The following NRG1 variants were observed in gnomAD, a reference collection of about 807,000 sequenced individuals.
NRG1 encodes the protein pro-neuregulin-1, membrane-bound isoform.
A neutral mutation model predicts 63.8 loss-of-function variants in NRG1; 18 were observed. The observed-to-expected ratio is 0.28, with a 90% CI of 0.19 to 0.42. The LOEUF (loss-of-function observed/expected upper bound fraction) is 0.42, where lower values mean the gene tolerates loss of function less well. Ranked by LOEUF, NRG1 falls within the 10% of genes least tolerant of loss-of-function variation. The pLI, the probability that NRG1 is intolerant of heterozygous loss-of-function variation, is 1.00. For missense variants in NRG1, 762 were observed against 814.7 expected, an observed-to-expected ratio of 0.94 and a Z score of 0.79; for synonymous variants, 302 against 301.3, an observed-to-expected ratio of 1.00 and a Z score of -0.02.
At chr8:32,060,415 A>G (rs1192096248) in intron 1 of NRG1, among the ~76,000 whole-genome samples, 2 of 152,008 alleles carry the variant, frequency 1.3e-5, no homozygotes, top group Admixed American at 6.6e-5. Flanking sequence ...AGCCTCCACC[A>G]TAAAAGAATG....
intron 1 of NRG1, among the ~76,000 whole-genome samples, chr8:32,125,664 A>G (rs867784200): frequency 2.0e-5 from 3 of 151,806 alleles, no homozygotes; most frequent in Non-Finnish European, 2.9e-5. Context: ...TTCTTATTCA[A>G]TTGCTTCCTT....
At chr8:32,557,703 G>T (rs943125996) in intron 1 of NRG1, among the ~76,000 whole-genome samples, 6 of 151,994 alleles carry the variant, frequency 3.9e-5, no homozygotes, top group Admixed American at 6.6e-5. Context: ...GAACCTTCCC[G>T]GGGGATTGCT....
chr8:32,496,125 A>T (rs1192130181), intron 1 of NRG1, among the ~76,000 whole-genome samples: 1 of 152,216 alleles, frequency 6.6e-6, no homozygotes, highest in Admixed American at 6.5e-5. Context: ...GAAGCCCTGT[A>T]GATTTTAGCA....
Position 32,293,034 on chromosome 8 carries a change from G to A in NRG1, c.38-302794G>A, listed in dbSNP as rs1481170082. Among the ~76,000 whole-genome samples, 5 of 152,214 alleles carry A rather than the reference G, an allele frequency of 3.3e-5. No homozygotes were observed. In the East Asian group the frequency reaches 9.7e-4, roughly 29 times the overall value. ...CAGGAGAATCGCTTGAACCTGGGAG[G>A]CAGAGTTTGCAGTGAGCCAAGATCA... is the stretch of plus-strand genomic sequence containing the variant. On this transcript the variant is annotated intron_variant, in intron 1 of 10. Transcript: ENST00000519301.
chr8:31,841,853 T>A (rs1418490602), intron 1 of NRG1, among the ~76,000 whole-genome samples: 1 of 152,162 alleles, frequency 6.6e-6, no homozygotes, highest in Non-Finnish European at 1.5e-5. Flanking sequence ...TACACCCAGA[T>A]AACATCAGGC....
intron 1 of NRG1, among the ~76,000 whole-genome samples, chr8:31,974,607 A>G (rs117641112): frequency 1.3e-5 from 2 of 152,242 alleles, no homozygotes; most frequent in East Asian, 1.9e-4. Flanking sequence ...AGGCACTACT[A>G]TGGTAGGCCT....
At chr8:32,319,966 C>A (rs576128954) in intron 1 of NRG1, among the ~76,000 whole-genome samples, 1 of 151,996 alleles carries the variant, frequency 6.6e-6, no homozygotes, top group South Asian at 2.1e-4. Flanking sequence ...AGTGCGTGAC[C>A]TTAGCCCCAG....
chr8:32,139,284 T>C (rs1365768583), intron 1 of NRG1: 1 of 152,162 alleles, frequency 6.6e-6, no homozygotes, highest in Non-Finnish European at 1.5e-5. Flanking sequence ...GACCGCCATT[T>C]CTCCCCTTCA....
chr8:32,540,301 G>A (rs1468619913), intron 1 of NRG1, among the ~76,000 whole-genome samples: 58 of 152,128 alleles, frequency 3.8e-4, no homozygotes, highest in Admixed American at 3.8e-3. Context: ...GTGCTTCTGA[G>A]ACAGAGCTAT....
At chr8:31,712,239 G>C (rs931928178) in intron 1 of NRG1, among the ~76,000 whole-genome samples, 1 of 110,574 alleles carries the variant, frequency 9.0e-6, no homozygotes, top group Non-Finnish European at 1.9e-5. Context: ...TTGACTTCCT[G>C]TTTCTTCTTC....
At chr8:31,956,595 G>A (rs1804468837) in intron 1 of NRG1, among the ~76,000 whole-genome samples, 6 of 152,160 alleles carry the variant, frequency 3.9e-5, no homozygotes, top group Admixed American at 3.9e-4. Context: ...CTGCACTCCA[G>A]TCTGGGCGAT....
At chr8:32,263,914 G>A (rs1850642956) in intron 1 of NRG1, among the ~76,000 whole-genome samples, 1 of 152,144 alleles carries the variant, frequency 6.6e-6, no homozygotes, top group Non-Finnish European at 1.5e-5. Flanking sequence ...GAGACGGGGA[G>A]AGCTGAGGGT....
At chr8:32,144,290 C>T (rs966199705) in intron 1 of NRG1, among the ~76,000 whole-genome samples, 24 of 152,126 alleles carry the variant, frequency 1.6e-4, no homozygotes, top group African/African-American at 2.2e-4. Flanking sequence ...TGAGCCCAGA[C>T]GATCATTTTT....
intron 1 of NRG1, among the ~76,000 whole-genome samples, chr8:32,491,674 G>T (rs1459097867): frequency 6.6e-6 from 1 of 152,224 alleles, no homozygotes; most frequent in Non-Finnish European, 1.5e-5. Flanking sequence ...AGCTGTTTTA[G>T]TTGGCTCCAA....
chr8:32,476,538 C>T (rs1338337529), intron 1 of NRG1, among the ~76,000 whole-genome samples: 1 of 152,114 alleles, frequency 6.6e-6, no homozygotes, highest in African/African-American at 2.4e-5. Context: ...GGGTGGGGAC[C>T]ATGTGATCTC....
intron 1 of NRG1, among the ~76,000 whole-genome samples, chr8:31,858,293 C>G (rs974459133): frequency 1.3e-5 from 2 of 148,532 alleles, no homozygotes; most frequent in African/African-American, 5.0e-5. Context: ...AGTGAGACTC[C>G]GTCTCAAAAA....
intron 7 of NRG1, among the ~76,000 whole-genome samples, chr8:32,747,646 G>T (rs1053160195): frequency 6.6e-6 from 1 of 150,792 alleles, no homozygotes; most frequent in African/African-American, 2.4e-5. Context: ...CAAGGCAGAG[G>T]AAATTATTAT....
chr8:32,698,579 A>C (rs1488178740), intron 5 of NRG1, among the ~76,000 whole-genome samples: 1 of 152,170 alleles, frequency 6.6e-6, no homozygotes, highest in Non-Finnish European at 1.5e-5. Flanking sequence ...CATTCACGGG[A>C]AGGAAGAAAG....
At chr8:32,672,457 G>A (rs1267421427) in intron 5 of NRG1, among the ~76,000 whole-genome samples, 3 of 152,056 alleles carry the variant, frequency 2.0e-5, no homozygotes, top group Non-Finnish European at 4.4e-5. Flanking sequence ...AAAAATAGTG[G>A]CACCTCTGGA....
Sources: gnomAD v4.1 joint callset for allele counts (sites outside exome capture counted in the v4.1 genomes callset) on GRCh38, gnomAD v4.1.1 for gene constraint, MANE v1.5 for transcripts, NCBI Gene and HGNC (gene_info 2026-07-23, HGNC 2026-07-21) for gene names.